SON: variants seen among roughly 807,000 people sequenced by gnomAD.
SON encodes SON DNA and RNA binding protein, also known as protein SON.
In SON, 4 loss-of-function variants were observed where a neutral mutation model predicts 173.3. That is an observed-to-expected ratio of 0.02 (90% CI 0.01 to 0.05). The LOEUF (loss-of-function observed/expected upper bound fraction) is 0.05. Among genes scored for constraint, SON ranks in the 10% least tolerant of loss-of-function variants. The pLI, the probability that SON is intolerant of heterozygous loss-of-function variation, is 1.00. For missense variants in SON, 2,626 were observed against 3,055.3 expected (o/e 0.86, Z 3.31); for synonymous variants, 1,190 against 1,105.9 (o/e 1.08, Z -1.51).
In SON at chr21:33,547,196, C is replaced by T. The variant is rs73197939; in HGVS notation, c.244+817C>T. Among the ~76,000 whole-genome samples, 590 of 151,194 alleles carry T rather than the reference C, an allele frequency of 3.9e-3. 7 individuals carry two copies. Among genetic ancestry groups the T allele is most frequent in the Non-Finnish European group, 4.6e-3 (311 of 67,838 alleles). On this transcript the variant is annotated intron_variant, in intron 2 of 11. Coordinates refer to ENST00000356577, the MANE Select transcript of SON (RefSeq NM_138927.4). ...GTTTCACCGTGTTGGCCAGGGTGGT[C>T]TGGTCTCGATCTCTTGACCTCATGA...
chr21:33,551,980 G>A lies in SON; in HGVS notation c.2749G>A (p.Ala917Thr). Residue 917 changes from alanine (A) to threonine (T), a missense_variant, in exon 3 of 12, where the codon GCT becomes ACT. Ala to Thr is a moderately conservative substitution (Grantham distance 58). Around this residue, in one of 13 missense-constraint regions of SON, gnomAD observed 366 missense variants for 448.6 expected, o/e 0.82. Coordinates refer to ENST00000356577, the MANE Select transcript of SON (RefSeq NM_138927.4). ...GSKSPDPYRL[A>T]QDPYRLAQDP... ...AAAATCTCCTGATCCCTATAGGTTA[G>A]CTCAGGATCCTTACAGGTTAGCTCA... is the stretch of plus-strand genomic sequence containing the variant. 1.2e-6 allele frequency: 2 copies of A among 1,613,968 alleles called. No homozygotes were observed. Among genetic ancestry groups the A allele is most frequent in the Non-Finnish European group, 1.7e-6 (2 of 1,179,848 alleles).
rs1392137079 is a variant in SON, at chr21:33,559,873, T to G, written c.6657+98T>G. 1 of 1,605,154 alleles carries G rather than the reference T, an allele frequency of 6.2e-7. No homozygotes were observed. The highest frequency in any genetic ancestry group is 8.5e-7 in the Non-Finnish European group (1 of 1,173,878). ...TGATTTGGATTCTGTTTCACTCTTC[T>G]TAGGGCCGGGTTAAACGGCAGGGCC... On this transcript the variant is annotated intron_variant, in intron 6 of 11. Transcript: ENST00000356577. The surrounding 1 kb of genome is among the most constrained non-coding windows in gnomAD (Gnocchi z 4.1).
chr21:33,546,167 T>C, intron 1 of SON, 46 bp from the exon 2 acceptor site: 1 of 1,489,104 alleles, frequency 6.7e-7, no homozygotes, highest in African/African-American at 1.4e-5. Context: ...TTTTTATTAA[T>C]GGTATGATAA....
In SON at chr21:33,550,635, G is replaced by A; in HGVS notation, c.1404G>A (p.Glu468=). ...CCATGGGGTTGGAGCCACCACAGGAGGTACCAGAGCCACCTGTGATGGCAC... is the reference window on the plus strand; with the variant it reads ...CCATGGGGTTGGAGCCACCACAGGAAGTACCAGAGCCACCTGTGATGGCAC... The part of the protein sequence containing the change: ...APSMGLEPPQ[E]VPEPPVMAQE... Residue 468 remains glutamate, a synonymous_variant, in exon 3 of 12, where the codon GAG becomes GAA. Transcript: ENST00000356577. The A allele has an allele frequency of 6.2e-7, 1 of 1,614,028 alleles. No homozygotes were observed. The highest frequency in any genetic ancestry group is 8.5e-7 in the Non-Finnish European group (1 of 1,179,982).
Position 33,559,210 on chromosome 21 carries a change from G to C in SON, c.6322-20G>C. On this transcript the variant is annotated intron_variant, in intron 4 of 11. Coordinates refer to ENST00000356577, the MANE Select transcript of SON (RefSeq NM_138927.4). The surrounding 1 kb of genome is among the most constrained non-coding windows in gnomAD (Gnocchi z 4.1). ...ACATAAAGCGTAAGATTTATCTTTT[G>C]TTTGTTTTTACTTTTAAAGAAATGT... The C allele has an allele frequency of 6.6e-7, 1 of 1,515,156 alleles. No individual in the cohort carries two copies. Among genetic ancestry groups the C allele is most frequent in the Non-Finnish European group, 8.9e-7 (1 of 1,129,334 alleles). 93.9% of individuals were successfully genotyped at this position (1,515,156 alleles called of 1,614,324 possible).
At chr21:33,545,009 G>GT (rs760557765) in intron 1 of SON, among the ~76,000 whole-genome samples, 13 of 151,848 alleles carry the variant, frequency 8.6e-5, no homozygotes, top group African/African-American at 3.1e-4. Context: ...TCAGTGAGCT[G>GT]TTTTTTTTCT....
At chr21:33,543,286 C>T in intron 1 of SON, 117 bp downstream of exon 1, 1 of 960,136 alleles carries the variant, frequency 1.0e-6, no homozygotes, top group Non-Finnish European at 1.7e-6. Flanking sequence ...GCTAGGGCCC[C>T]GCCTGGGCCT....
At position 33,555,013 on chromosome 21, in the gene SON, C is replaced by T. The variant is rs368142947; in HGVS notation, c.5782C>T (p.Arg1928Trp). ...VRARSRTPSRRSRSHTPSRRR... is the reference protein window; with the variant it reads ...VRARSRTPSRWSRSHTPSRRR... ...AGCTCGAAGTCGAACCCCAAGTCGT[C>T]GGAGTCGGAGTCATACTCCAAGTCG... The change falls in exon 3 of 12, where the codon CGG (arginine) becomes TGG (tryptophan). Residue 1928 changes from arginine to tryptophan, a missense_variant. Coordinates refer to ENST00000356577, the MANE Select transcript of SON (RefSeq NM_138927.4). 36 of 1,613,012 alleles carry T rather than the reference C, an allele frequency of 2.2e-5. No individual in the cohort carries two copies. The highest frequency in any genetic ancestry group is 2.1e-4 in the African/African-American group (16 of 74,832).
In SON at chr21:33,549,659, A is replaced by C. The variant is rs753485706; in HGVS notation, c.428A>C (p.His143Pro). The C allele has an allele frequency of 1.2e-6, 2 of 1,610,980 alleles. No homozygotes were observed. Among genetic ancestry groups the C allele is most frequent in the Non-Finnish European group, 8.5e-7 (1 of 1,179,220 alleles). ...GAATCTGAGTCAAAGACGAAATCTCATGATGATGGGAACATAGATTTAGAA... is the reference window on the plus strand; with the variant it reads ...GAATCTGAGTCAAAGACGAAATCTCCTGATGATGGGAACATAGATTTAGAA... ...PEESESKTKS[H>P]DDGNIDLESD... Residue 143 changes from histidine (H) to proline (P), a missense_variant, in exon 3 of 12, where the codon CAT becomes CCT. This residue lies in a region of SON where 757 missense variants were observed against 730.1 expected (regional missense o/e 1.04). Transcript: ENST00000356577.
chr21:33,572,709 C>T, intron 8 of SON: 1 of 665,888 alleles, frequency 1.5e-6, no homozygotes, highest in Non-Finnish European at 2.4e-6. Context: ...TTCATTTTGG[C>T]ATACTTACAG....
intron 6 of SON, among the ~76,000 whole-genome samples, chr21:33,565,831 G>C (rs1334342786): frequency 6.6e-6 from 1 of 152,120 alleles, no homozygotes; most frequent in African/African-American, 2.4e-5. Flanking sequence ...AGAAGGCATT[G>C]TATCAGAATC....
In SON at chr21:33,567,224, T is replaced by C; in HGVS notation, c.6725T>C (p.Phe2242Ser). 1 of 1,611,902 alleles carries C rather than the reference T, an allele frequency of 6.2e-7. No individual in the cohort carries two copies. The highest frequency in any genetic ancestry group is 8.5e-7 in the Non-Finnish European group (1 of 1,178,050). Residue 2242 changes from phenylalanine to serine, a missense_variant, in exon 7 of 12, where the codon TTT becomes TCT. By Grantham distance (155) the Phe-to-Ser change is radical. This residue lies in a region of SON where 75 missense variants were observed against 201.6 expected (regional missense o/e 0.37). Transcript: ENST00000356577. ...CAGAAAAGACTCAGTGAGAATGCAT[T>C]TGATCTTGAAGCCATGAGCATGTTA... is the stretch of plus-strand genomic sequence containing the variant. Reference protein sequence around the residue: ...LAQKRLSENAFDLEAMSMLNR... With the variant: ...LAQKRLSENASDLEAMSMLNR...
At chr21:33,562,399 A>G (rs1569063653) in intron 6 of SON, among the ~76,000 whole-genome samples, 2 of 152,240 alleles carry the variant, frequency 1.3e-5, no homozygotes, top group South Asian at 2.1e-4. Flanking sequence ...TTTCATTTTA[A>G]TAAATATAAA....
In SON at chr21:33,551,974, A is replaced by T; in HGVS notation, c.2743A>T (p.Arg915Trp). 1 of 1,613,598 alleles carries T rather than the reference A, an allele frequency of 6.2e-7. No individual in the cohort carries two copies. Among genetic ancestry groups the T allele is most frequent in the Non-Finnish European group, 8.5e-7 (1 of 1,179,542 alleles). ...MLGSKSPDPY[R>W]LAQDPYRLAQ... The stretch of plus-strand genomic sequence containing the variant: ...GGGTTCAAAATCTCCTGATCCCTAT[A>T]GGTTAGCTCAGGATCCTTACAGGTT... Residue 915 changes from arginine to tryptophan, a missense_variant, in exon 3 of 12, where the codon AGG becomes TGG. Arg to Trp is a moderately radical substitution (Grantham distance 101). This residue lies in a region of SON where 366 missense variants were observed against 448.6 expected (regional missense o/e 0.82). Transcript: ENST00000356577.
rs556749490 is a variant in SON, at chr21:33,577,255, C to G, written c.*831C>G. On this transcript the variant is annotated 3_prime_UTR_variant, in exon 12 of 12. Coordinates refer to ENST00000356577, the MANE Select transcript of SON (RefSeq NM_138927.4). The stretch of plus-strand genomic sequence containing the variant: ...CTTTGATGTGCATTTTGAATTTCAG[C>G]TACACCTAGATAGACGTAAAATGAT... The G allele has an allele frequency of 2.5e-4, 38 of 152,552 alleles. No individual in the cohort carries two copies. Among genetic ancestry groups the G allele is most frequent in the African/African-American group, 8.2e-4 (34 of 41,524 alleles). 9.4% of individuals were successfully genotyped at this position (152,552 alleles called of 1,614,324 possible).
rs2086391844 is a variant in SON, at chr21:33,576,012, A to AGTT, written c.7221+120_7221+122dup. 5.2e-6 allele frequency: 3 copies of AGTT among 577,044 alleles called. No homozygotes were observed. In the South Asian group the frequency reaches 8.3e-5, roughly 16 times the overall value. 35.7% of individuals were successfully genotyped at this position (577,044 alleles called of 1,614,324 possible). On this transcript the variant is annotated intron_variant, in intron 11 of 11. Coordinates refer to ENST00000356577, the MANE Select transcript of SON (RefSeq NM_138927.4). ...TCATGGGTGGGGGGTTTGTATTTGT[A>AGTT]GTTAAGTGGTGGGGTTTTTAAACAC...
chr21:33,576,675 A>C lies in SON; in HGVS notation c.*251A>C, dbSNP rs1276864630. Reference sequence around the variant, plus strand: ...ATTTGGCAATTTAAGACATTGTGTAAAAAGCAATCTGTAAAAACATCTCCA... The same window carrying C: ...ATTTGGCAATTTAAGACATTGTGTACAAAGCAATCTGTAAAAACATCTCCA... On this transcript the variant is annotated 3_prime_UTR_variant, in exon 12 of 12. Coordinates refer to ENST00000356577, the MANE Select transcript of SON (RefSeq NM_138927.4). 6.8e-6 allele frequency: 4 copies of C among 589,260 alleles called. No homozygotes were observed. Among genetic ancestry groups the C allele is most frequent in the Non-Finnish European group, 9.4e-6 (3 of 320,106 alleles). The allele number at this position is 589,260 out of a possible 1,614,324, so 36.5% of individuals were successfully genotyped here.
At chr21:33,563,175 C>G (rs562917374) in intron 6 of SON, among the ~76,000 whole-genome samples, 1 of 152,242 alleles carries the variant, frequency 6.6e-6, no homozygotes, top group African/African-American at 2.4e-5. Context: ...TTCTTTCCTT[C>G]CTAGATTCTC....
At chr21:33,544,251 C>G (rs978191474) in intron 1 of SON, among the ~76,000 whole-genome samples, 12 of 152,184 alleles carry the variant, frequency 7.9e-5, no homozygotes, top group African/African-American at 2.9e-4. Flanking sequence ...ATCACTTTTG[C>G]AGAATGTGTT....
Sources: gnomAD v4.1 joint callset for allele counts (sites outside exome capture counted in the v4.1 genomes callset) on GRCh38, gnomAD v4.1.1 for gene constraint, gnomAD v4.1.1 regional missense constraint, Gnocchi (gnomAD v3.1) non-coding constraint, MANE v1.5 for transcripts, NCBI Gene and HGNC (gene_info 2026-07-23, HGNC 2026-07-21) for gene names.